FLI1: variants seen among roughly 807,000 people sequenced by gnomAD.
FLI1 encodes the protein Fli-1 proto-oncogene, ETS transcription factor, also known as Friend leukemia integration 1 transcription factor.
Under a neutral mutation model 53.1 loss-of-function variants are expected in FLI1, and 13 were observed. That is an observed-to-expected ratio of 0.24 (90% CI 0.16 to 0.39). The LOEUF (loss-of-function observed/expected upper bound fraction) is 0.39, where lower values mean the gene tolerates loss of function less well. Among genes scored for constraint, FLI1 ranks in the 10% least tolerant of loss-of-function variants. FLI1 has a pLI of 1.00. For synonymous variants in FLI1, 244 were observed against 236.7 expected, an observed-to-expected ratio of 1.03 and a Z score of -0.28; for missense variants, 424 against 600.5, an observed-to-expected ratio of 0.71 and a Z score of 3.07.
At chr11:128,737,166 G>A (rs11221452) in intron 1 of FLI1, among the ~76,000 whole-genome samples, 1 of 152,090 alleles carries the variant, frequency 6.6e-6, no homozygotes, top group Admixed American at 6.6e-5. Context: ...CTACATGGAA[G>A]GGATGGCAGG....
intron 3 of FLI1, 79 bp downstream of exon 3, chr11:128,768,351 C>A: frequency 6.5e-7 from 1 of 1,543,914 alleles, no homozygotes. Context: ...AAACCTTTAT[C>A]TGATACTCTA....
At chr11:128,732,660 G>A (rs1406708567) in intron 1 of FLI1, among the ~76,000 whole-genome samples, 2 of 152,200 alleles carry the variant, frequency 1.3e-5, no homozygotes, top group Non-Finnish European at 2.9e-5. Flanking sequence ...GTCAAGGAAA[G>A]CCCCACTTTT....
chr11:128,717,348 C>T (rs1332243361), intron 1 of FLI1, among the ~76,000 whole-genome samples: 4 of 152,178 alleles, frequency 2.6e-5, no homozygotes, highest in East Asian at 1.9e-4. Flanking sequence ...GATGGTTTTG[C>T]TATCGTGTGA....
intron 1 of FLI1, among the ~76,000 whole-genome samples, chr11:128,721,374 A>G (rs777498920): frequency 1.1e-4 from 16 of 152,260 alleles, no homozygotes; most frequent in Non-Finnish European, 2.1e-4. Flanking sequence ...CAGAAGAAAC[A>G]AAGAATAAAA....
At chr11:128,792,812 CA>C (rs1338092235) in intron 5 of FLI1, among the ~76,000 whole-genome samples, 2 of 152,192 alleles carry the variant, frequency 1.3e-5, no homozygotes, top group Admixed American at 6.5e-5. Flanking sequence ...ATGAGAATTT[CA>C]ATAAACTGAA....
chr11:128,754,235 A>ATGTGTG (rs57171401), intron 1 of FLI1, among the ~76,000 whole-genome samples: 2,835 of 145,746 alleles, frequency 0.019, 46 homozygotes, highest in African/African-American at 0.039. Context: ...TAGAAGGGGG[A>ATGTGTG]TGTGTGTGTG....
intron 1 of FLI1, among the ~76,000 whole-genome samples, chr11:128,724,434 G>A (rs1939387328): frequency 6.6e-6 from 1 of 152,176 alleles, no homozygotes; most frequent in Admixed American, 6.5e-5. Flanking sequence ...CAGGCTATAG[G>A]GAATTTGGGT....
At chr11:128,786,333 A>G (rs1025870839) in intron 5 of FLI1, among the ~76,000 whole-genome samples, 2 of 152,238 alleles carry the variant, frequency 1.3e-5, no homozygotes, top group African/African-American at 2.4e-5. Context: ...AGGTATAGGT[A>G]AGTGAAGAGA....
chr11:128,801,879 G>A (rs1337080850), intron 5 of FLI1, among the ~76,000 whole-genome samples: 1 of 152,194 alleles, frequency 6.6e-6, no homozygotes, highest in Non-Finnish European at 1.5e-5. Flanking sequence ...GTTCAGGAGG[G>A]AGGGGGATAT....
At chr11:128,772,647 C>T (rs1941604624) in intron 3 of FLI1, 135 bp from the exon 4 acceptor site, 2 of 724,564 alleles carry the variant, frequency 2.8e-6, no homozygotes, top group South Asian at 3.3e-5. Context: ...TCTAGGGGAA[C>T]CATGTGGAAG....
intron 1 of FLI1, among the ~76,000 whole-genome samples, chr11:128,751,247 C>T (rs1026568282): frequency 1.1e-4 from 17 of 152,210 alleles, no homozygotes; most frequent in African/African-American, 3.9e-4. Context: ...AATCAACATT[C>T]GGAGAAGTAG....
intron 5 of FLI1, among the ~76,000 whole-genome samples, chr11:128,787,929 C>G (rs532417158): frequency 4.0e-5 from 6 of 151,444 alleles, no homozygotes; most frequent in African/African-American, 1.5e-4. Flanking sequence ...GCCTCAGCCT[C>G]CTGAGTAGCT....
At chr11:128,773,160 C>T (rs1706367628) in intron 4 of FLI1, among the ~76,000 whole-genome samples, 175 bp downstream of exon 4, 1 of 152,110 alleles carries the variant, frequency 6.6e-6, no homozygotes, top group South Asian at 2.1e-4. Context: ...GGGGCAGACC[C>T]AATCCTGAAG....
chr11:128,810,961 G>A lies in FLI1; in HGVS notation c.1332G>A (p.Val444=), dbSNP rs1396888425. ...TCCCCCGCCATCCTAACACCCACGTGCCTTCACACTTAGGCAGCTACTACT... is the reference window on the plus strand; with the variant it reads ...TCCCCCGCCATCCTAACACCCACGTACCTTCACACTTAGGCAGCTACTACT... ...PNVPRHPNTH[V]PSHLGSYY The change falls in exon 9 of 9, where the codon GTG becomes GTA. Residue 444 remains valine, a synonymous_variant. Coordinates refer to ENST00000527786, the MANE Select transcript of FLI1 (RefSeq NM_002017.5). This position sits in a 1 kb window ranked among gnomAD's most constrained non-coding sequence, Gnocchi z 6.6. 4 of 1,613,888 alleles carry A rather than the reference G, an allele frequency of 2.5e-6. No individual in the cohort carries two copies. The highest frequency in any genetic ancestry group is 2.2e-5 in the East Asian group (1 of 44,886).
At chr11:128,712,912 CT>C (rs1390882646) in intron 1 of FLI1, among the ~76,000 whole-genome samples, 1 of 152,340 alleles carries the variant, frequency 6.6e-6, no homozygotes, top group East Asian at 1.9e-4. Context: ...GCTACACCTC[CT>C]GTGGTTTTAG....
intron 1 of FLI1, among the ~76,000 whole-genome samples, chr11:128,707,629 G>T (rs1245005628): frequency 2.0e-5 from 3 of 152,126 alleles, no homozygotes; most frequent in Non-Finnish European, 4.4e-5. Context: ...TGTGGTAAAG[G>T]AATTACCATG....
chr11:128,737,171 G>A (rs937822477), intron 1 of FLI1, among the ~76,000 whole-genome samples: 8 of 152,146 alleles, frequency 5.3e-5, no homozygotes, highest in Non-Finnish European at 8.8e-5. Flanking sequence ...TGGAAGGGAT[G>A]GCAGGGCTCA....
chr11:128,686,300 G>T, upstream of FLI1: 1 of 455,866 alleles, frequency 2.2e-6, no homozygotes, highest in Non-Finnish European at 4.4e-6. Context: ...ACAAGCTGCG[G>T]GCATCCCCAG....
upstream of FLI1, among the ~76,000 whole-genome samples, chr11:128,685,553 T>C (rs1174798564): frequency 6.8e-6 from 1 of 147,552 alleles, no homozygotes; most frequent in Admixed American, 6.7e-5. Flanking sequence ...ACTTCGACTT[T>C]CAAAAAAAAA....
Sources: gnomAD v4.1 joint callset for allele counts (sites outside exome capture counted in the v4.1 genomes callset) on GRCh38, gnomAD v4.1.1 for gene constraint, Gnocchi (gnomAD v3.1) non-coding constraint, MANE v1.5 for transcripts, NCBI Gene and HGNC (gene_info 2026-07-23, HGNC 2026-07-21) for gene names.